The following NEO1 variants were observed in gnomAD, a reference collection of about 807,000 sequenced individuals.
NEO1 encodes the protein neogenin 1.
NEO1 carries 63 observed loss-of-function variants against 159.7 expected under a neutral mutation model. The observed-to-expected ratio is 0.39, with a 90% CI of 0.32 to 0.49. The LOEUF (loss-of-function observed/expected upper bound fraction) is 0.49, where lower values mean the gene tolerates loss of function less well. Ranked by LOEUF, NEO1 falls within the 20% of genes least tolerant of loss-of-function variation. The pLI is 0.85. For missense variants in NEO1, 1,615 were observed against 1,831.0 expected, an observed-to-expected ratio of 0.88 and a Z score of 2.15; for synonymous variants, 633 against 662.0, an observed-to-expected ratio of 0.96 and a Z score of 0.67.
chr15:73,270,623 T>G (rs928284668), intron 18 of NEO1, among the ~76,000 whole-genome samples, 169 bp downstream of exon 18: 2 of 152,236 alleles, frequency 1.3e-5, no homozygotes, highest in Admixed American at 6.5e-5. Context: ...ACAAGAACAT[T>G]AGCAAATAAC....
rs150000571 is a variant in NEO1 at position 73,154,850 on chromosome 15, A to G, written c.1015+18823A>G. On this transcript the variant is annotated intron_variant, in intron 5 of 28. Coordinates refer to ENST00000261908, the MANE Select transcript of NEO1 (RefSeq NM_002499.4). ...CTTAATCCATTTACGTTCAGCATTA[A>G]CATTGATATGTGAGGTTTTGATCCT... Among the ~76,000 whole-genome samples, 575 of 152,268 alleles carry G rather than the reference A, an allele frequency of 3.8e-3. 7 individuals are homozygous for G. Among genetic ancestry groups the G allele is most frequent in the Non-Finnish European group, 5.4e-3 (364 of 68,022 alleles).
chr15:73,058,061 C>A (rs929661242), intron 1 of NEO1, among the ~76,000 whole-genome samples: 31 of 152,180 alleles, frequency 2.0e-4, no homozygotes, highest in African/African-American at 6.3e-4. Context: ...ATCATACTAC[C>A]TATTGTTTTT....
chr15:73,276,800 A>G (rs898844913), intron 21 of NEO1, among the ~76,000 whole-genome samples: 6 of 152,226 alleles, frequency 3.9e-5, no homozygotes, highest in Non-Finnish European at 8.8e-5. Context: ...GTTTTGCAGA[A>G]ACACCTAGTT....
intron 16 of NEO1, among the ~76,000 whole-genome samples, chr15:73,267,831 T>C (rs368350216): frequency 9.8e-5 from 15 of 152,306 alleles, no homozygotes; most frequent in Admixed American, 8.5e-4. Context: ...CTTAGAGTTA[T>C]AAATTTTTTA....
At chr15:73,079,786 T>C in intron 1 of NEO1, among the ~76,000 whole-genome samples, 1 of 152,176 alleles carries the variant, frequency 6.6e-6, no homozygotes, top group Middle Eastern at 3.2e-3. Flanking sequence ...AGGAAGTTAT[T>C]AGGAAATGAG....
At chr15:73,158,233 T>TTTTC (rs1176013258) in intron 5 of NEO1, among the ~76,000 whole-genome samples, 1 of 131,780 alleles carries the variant, frequency 7.6e-6, no homozygotes, top group Non-Finnish European at 1.7e-5. Context: ...TTTTTTTTTT[T>TTTTC]ACAATTTTTT....
rs769237827 is a variant in NEO1 at position 73,249,768 on chromosome 15, A to G, written c.1894+47A>G. ...ACGATATACCACACTTGGTGCCCCTAGTGGTTTAGTTGTAAGATCATGAGC... is the reference window on the plus strand; with the variant it reads ...ACGATATACCACACTTGGTGCCCCTGGTGGTTTAGTTGTAAGATCATGAGC... On this transcript the variant is annotated intron_variant, in intron 11 of 28. Transcript: ENST00000261908. 1.5e-5 allele frequency: 23 copies of G among 1,560,272 alleles called. No individual in the cohort carries two copies. The Admixed American group carries it at 2.6e-4, about 18-fold the overall frequency.
intron 4 of NEO1, among the ~76,000 whole-genome samples, chr15:73,128,353 C>T (rs2030608174): frequency 6.6e-6 from 1 of 151,248 alleles, no homozygotes. Context: ...AAATCTTTAT[C>T]AGGAGTAGGA....
In NEO1 at chr15:73,249,731, TCTTC is replaced by T; in HGVS notation, c.1894+13_1894+16del. ...CGAACATTGTCAGATGGTGAGTCTTTCTTCCTCTGGAACGATATACCACACTTGG... is the reference window on the plus strand; with the variant it reads ...CGAACATTGTCAGATGGTGAGTCTTTCTCTGGAACGATATACCACACTTGG... On this transcript the variant is annotated intron_variant, in intron 11 of 28. Transcript: ENST00000261908. 1.2e-6 allele frequency: 2 copies of T among 1,605,782 alleles called. No homozygotes were observed. Among genetic ancestry groups the T allele is most frequent in the Non-Finnish European group, 1.7e-6 (2 of 1,177,150 alleles).
Position 73,266,310 on chromosome 15 carries a change from T to A in NEO1, c.2399-6T>A. The A allele has an allele frequency of 6.3e-7, 1 of 1,599,204 alleles. No individual in the cohort carries two copies. Among genetic ancestry groups the A allele is most frequent in the Non-Finnish European group, 8.5e-7 (1 of 1,173,752 alleles). On this transcript the variant is annotated splice_region_variant and splice_polypyrimidine_tract_variant and intron_variant, in intron 15 of 28. Transcript: ENST00000261908. ...ATTTTTTTAATGTGTGTTTCTTTTT[T>A]TTCAGATCCCAGCTCTCACTATGTG... is the stretch of plus-strand genomic sequence containing the variant.
chr15:73,122,695 G>A lies in NEO1; in HGVS notation c.619G>A (p.Val207Ile), dbSNP rs2071739376. The A allele has an allele frequency of 3.7e-6, 6 of 1,614,030 alleles. No individual in the cohort carries two copies. Among genetic ancestry groups the A allele is most frequent in the Non-Finnish European group, 5.1e-6 (6 of 1,180,024 alleles). Residue 207 changes from valine to isoleucine, a missense_variant, in exon 3 of 29, where the codon GTT (valine) becomes ATT (isoleucine). Transcript: ENST00000261908. ...TATCAAACTTCCAAGTGGAATGCTG[G>A]TTATCAGCAATGCAACTGAAGGAGA... ...RVIKLPSGML[V>I]ISNATEGDGG... is the part of the protein sequence containing the mutation.
At chr15:73,288,636 C>A in intron 24 of NEO1, 85 bp downstream of exon 24, 2 of 1,165,590 alleles carry the variant, frequency 1.7e-6, no homozygotes, top group Non-Finnish European at 2.5e-6. Flanking sequence ...AGTTTGCCTT[C>A]ATTTGGCAAT....
intron 18 of NEO1, among the ~76,000 whole-genome samples, chr15:73,271,643 G>A (rs2041173224): frequency 6.6e-6 from 1 of 152,088 alleles, no homozygotes; most frequent in Non-Finnish European, 1.5e-5. Flanking sequence ...GTGGTGGCTT[G>A]CACCTGTAAT....
chr15:73,095,207 T>TA (rs58483911), intron 1 of NEO1, among the ~76,000 whole-genome samples: 2,542 of 140,544 alleles, frequency 0.018, 38 homozygotes, highest in East Asian at 0.051. Flanking sequence ...GACTCTGTCT[T>TA]AAAAAAAAAA....
chr15:73,283,876 AT>A (rs1382520274), intron 23 of NEO1, among the ~76,000 whole-genome samples: 1 of 152,204 alleles, frequency 6.6e-6, no homozygotes, highest in African/African-American at 2.4e-5. Context: ...GTTTAAGAAT[AT>A]TTTTAAAGAA....
rs527538559 is a variant in NEO1 at position 73,196,902 on chromosome 15, T to C, written c.1291+18475T>C. On this transcript the variant is annotated intron_variant, in intron 7 of 28. Coordinates refer to ENST00000261908, the MANE Select transcript of NEO1 (RefSeq NM_002499.4). ...ATTGGAATTTAAGATCTTTTTACGATCTCATGCGTGGTCAGTTTTTTTGGT... is the reference window on the plus strand; with the variant it reads ...ATTGGAATTTAAGATCTTTTTACGACCTCATGCGTGGTCAGTTTTTTTGGT... Among the ~76,000 whole-genome samples the C allele has an allele frequency of 7.8e-4, 119 of 152,354 alleles. 1 individual carries two copies. The South Asian group carries it at 0.024, about 31-fold the overall frequency.
chr15:73,281,414 C>T (rs1271901591), intron 22 of NEO1, among the ~76,000 whole-genome samples: 3 of 151,578 alleles, frequency 2.0e-5, no homozygotes, highest in Non-Finnish European at 2.9e-5. Flanking sequence ...CCACCATGCC[C>T]GGCTAATTTT....
chr15:73,277,541 G>A (rs2041475750), intron 21 of NEO1, among the ~76,000 whole-genome samples: 1 of 152,140 alleles, frequency 6.6e-6, no homozygotes, highest in Non-Finnish European at 1.5e-5. Flanking sequence ...TCAGCCTCTG[G>A]AATGTTTAGG....
rs542689537 is a variant in NEO1, at chr15:73,084,162, T to TAA, written c.130+31366_130+31367dup. On this transcript the variant is annotated intron_variant, in intron 1 of 28. Coordinates refer to ENST00000261908, the MANE Select transcript of NEO1 (RefSeq NM_002499.4). ...TCTACCCTAGAACTTAAAGTATAAT[T>TAA]AAAAAAAAAATCTCCCAGCGATTTT... 4.0e-5 allele frequency among the ~76,000 whole-genome samples: 6 copies of TAA among 150,106 alleles called. No individual in the cohort carries two copies. The East Asian group carries it at 1.2e-3, about 29-fold the overall frequency.
Sources: allele counts gnomAD v4.1 joint callset (sites outside exome capture counted in the v4.1 genomes callset), GRCh38; gene constraint gnomAD v4.1.1; transcripts MANE v1.5; gene names NCBI Gene and HGNC (gene_info 2026-07-23, HGNC 2026-07-21).